The following SKIC3 variants were observed in gnomAD, a reference collection of about 807,000 sequenced individuals.
SKIC3 encodes SKI3 subunit of superkiller complex.
At chr5:95,502,919 T>C in the SKIC3 span, 33 of 1,613,968 alleles carry the variant, frequency 2.0e-5, no homozygotes, top group Middle Eastern at 3.3e-4. Flanking sequence ...CGTTTTTCCT[T>C]GTTTATATTC....
the SKIC3 span, among the ~76,000 whole-genome samples, chr5:95,512,099 T>C: frequency 6.6e-6 from 1 of 152,128 alleles, no homozygotes; most frequent in Non-Finnish European, 1.5e-5. Flanking sequence ...TTATATCCAC[T>C]ATCCAGGGAG....
At chr5:95,479,057 A>G in the SKIC3 span, among the ~76,000 whole-genome samples, 1 of 152,186 alleles carries the variant, frequency 6.6e-6, no homozygotes, top group African/African-American at 2.4e-5. Flanking sequence ...TAATATGTAA[A>G]TATTGGGAAG....
the SKIC3 span, chr5:95,513,788 ATTATT>A: frequency 8.7e-6 from 6 of 689,520 alleles, no homozygotes; most frequent in Non-Finnish European, 1.5e-5. Flanking sequence ...TTCTATTGTT[ATTATT>A]TTAACTAAAT....
chr5:95,481,034 T>C, the SKIC3 span, among the ~76,000 whole-genome samples: 1 of 152,224 alleles, frequency 6.6e-6, no homozygotes, highest in South Asian at 2.1e-4. Flanking sequence ...TATCTTGATA[T>C]GGGAGGTGTT....
chr5:95,552,425 T>C, the SKIC3 span, among the ~76,000 whole-genome samples: 2 of 152,222 alleles, frequency 1.3e-5, no homozygotes, highest in Non-Finnish European at 2.9e-5. Context: ...AGTCTTATAT[T>C]TTCAGAGCTT....
At chr5:95,494,935 A>G in the SKIC3 span, 1 of 1,611,274 alleles carries the variant, frequency 6.2e-7, no homozygotes, top group South Asian at 1.1e-5. Flanking sequence ...AATAAATTCA[A>G]CATTTCCTTT....
the SKIC3 span, among the ~76,000 whole-genome samples, chr5:95,477,933 A>G: frequency 6.6e-6 from 1 of 152,240 alleles, no homozygotes; most frequent in South Asian, 2.1e-4. Context: ...AGAATGTTGA[A>G]TTGAAATGAG....
chr5:95,476,446 T>C, the SKIC3 span, among the ~76,000 whole-genome samples: 11 of 152,234 alleles, frequency 7.2e-5, no homozygotes, highest in Non-Finnish European at 1.3e-4. Context: ...AAGACTTTTA[T>C]AAATGTCTTA....
At chr5:95,511,181 C>T in the SKIC3 span, among the ~76,000 whole-genome samples, 1,902 of 152,260 alleles carry the variant, frequency 0.012, 44 homozygotes, top group African/African-American at 0.044. Context: ...GAGTCCGAGG[C>T]GGGTGGATCA....
the SKIC3 span, chr5:95,516,403 C>T: frequency 3.1e-6 from 5 of 1,613,094 alleles, no homozygotes; most frequent in Non-Finnish European, 4.2e-6. Flanking sequence ...GTCCATGCAA[C>T]AGCATTCTAA....
the SKIC3 span, among the ~76,000 whole-genome samples, chr5:95,500,291 A>G: frequency 6.6e-6 from 1 of 152,210 alleles, no homozygotes; most frequent in Non-Finnish European, 1.5e-5. Context: ...TTTGGTTTTC[A>G]TCCCTAAATT....
At chr5:95,490,794 G>T in the SKIC3 span, 1 of 1,382,272 alleles carries the variant, frequency 7.2e-7, no homozygotes, top group Non-Finnish European at 1.0e-6. Flanking sequence ...CACCATGCCC[G>T]GCCTAATGAA....
the SKIC3 span, chr5:95,482,541 G>T: frequency 6.2e-7 from 1 of 1,614,034 alleles, no homozygotes; most frequent in Non-Finnish European, 8.5e-7. Flanking sequence ...ACAGCATCTG[G>T]GAGTGGCTTT....
chr5:95,526,105 C>G, the SKIC3 span, among the ~76,000 whole-genome samples: 1 of 152,148 alleles, frequency 6.6e-6, no homozygotes, highest in Non-Finnish European at 1.5e-5. Context: ...CATACCTAAA[C>G]AAAAACAACA....
chr5:95,509,652 A>G, the SKIC3 span: 8 of 1,613,860 alleles, frequency 5.0e-6, no homozygotes, highest in Non-Finnish European at 5.9e-6. Context: ...AAGTAACCCA[A>G]CATTGTGAAA....
At chr5:95,478,371 T>A in the SKIC3 span, 2 of 1,614,044 alleles carry the variant, frequency 1.2e-6, no homozygotes, top group Non-Finnish European at 1.7e-6. Context: ...GGGATGCCAA[T>A]TGTAGACTCT....
the SKIC3 span, among the ~76,000 whole-genome samples, chr5:95,509,984 G>A: frequency 6.6e-6 from 1 of 152,086 alleles, no homozygotes; most frequent in Admixed American, 6.6e-5. Flanking sequence ...CCAGTCATGA[G>A]ATTTATAAAG....
the SKIC3 span, among the ~76,000 whole-genome samples, chr5:95,545,733 T>C: frequency 6.6e-6 from 1 of 152,172 alleles, no homozygotes; most frequent in Non-Finnish European, 1.5e-5. Context: ...CATCCAACTA[T>C]ACTACTAAAA....
chr5:95,482,729 G>T, the SKIC3 span: 2 of 1,314,620 alleles, frequency 1.5e-6, no homozygotes, highest in African/African-American at 1.5e-5. Flanking sequence ...AAATTCTGAA[G>T]GTTTATACCT....
Sources: gnomAD v4.1 joint callset for allele counts (sites outside exome capture counted in the v4.1 genomes callset) on GRCh38, gnomAD v4.1.1 for gene constraint, MANE v1.5 for transcripts, NCBI Gene and HGNC (gene_info 2026-07-23, HGNC 2026-07-21) for gene names.